ZNF605: variants seen among roughly 807,000 people sequenced by gnomAD.
ZNF605 encodes zinc finger protein 605.
A neutral mutation model predicts 7.9 loss-of-function variants in ZNF605; 9 were observed. The ratio of observed to expected loss-of-function variants is 1.14; its 90% CI spans 0.68 to 1.98. The LOEUF is 1.98. Among genes scored for constraint, ZNF605 ranks in the 30% most tolerant of loss-of-function variants. The pLI, the probability that ZNF605 is intolerant of heterozygous loss-of-function variation, is 0.00. For missense variants in ZNF605, 673 were observed against 762.4 expected, an observed-to-expected ratio of 0.88 and a Z score of 1.38; for synonymous variants, 255 against 260.1, an observed-to-expected ratio of 0.98 and a Z score of 0.19.
At chr12:132,932,642 A>C in intron 4 of ZNF605, 6 of 985,560 alleles carry the variant, frequency 6.1e-6, no homozygotes. Flanking sequence ...AACACTTTAA[A>C]AGTGCCCACC....
chr12:132,926,856 C>T lies in ZNF605; in HGVS notation c.443G>A (p.Cys148Tyr), dbSNP rs895221614. 30 of 1,614,078 alleles carry T rather than the reference C, an allele frequency of 1.9e-5. No individual in the cohort carries two copies. Among genetic ancestry groups the T allele is most frequent in the Non-Finnish European group, 2.5e-5 (30 of 1,180,052 alleles). ...GGIKYCDCST[C>Y]RKSSNEEPWL... is the part of the protein sequence containing the mutation. ...TGGCTCTTCGTTGCTGGATTTTCTA[C>T]ATGTACTGCAATCACAGTATTTTAT... Residue 148 changes from cysteine to tyrosine, a missense_variant, in exon 5 of 5, where the codon TGT (cysteine) becomes TAT (tyrosine). Cys to Tyr is a radical substitution (Grantham distance 194). Transcript: ENST00000360187.
intron 4 of ZNF605, chr12:132,932,827 G>A: frequency 6.6e-7 from 1 of 1,515,228 alleles, no homozygotes; most frequent in Non-Finnish European, 8.9e-7. Context: ...AAACACAGAG[G>A]ACTTGGACCT....
intron 1 of ZNF605, among the ~76,000 whole-genome samples, chr12:132,948,947 G>A (rs920922362): frequency 2.6e-5 from 4 of 152,096 alleles, no homozygotes; most frequent in Non-Finnish European, 2.9e-5. Flanking sequence ...AGACATCAGC[G>A]TAGCTCACGC....
intron 3 of ZNF605, among the ~76,000 whole-genome samples, chr12:132,936,827 AAAGCCTGATC>A (rs1309138051): frequency 2.0e-5 from 3 of 152,204 alleles, no homozygotes; most frequent in African/African-American, 7.2e-5. Context: ...TACAACACCA[AAAGCCTGATC>A]AATTTAAGAA....
intron 1 of ZNF605, 38 bp from the exon 2 acceptor site, chr12:132,948,308 T>C (rs1952515589): frequency 6.6e-6 from 1 of 152,216 alleles, no homozygotes; most frequent in Non-Finnish European, 1.5e-5. Context: ...CCTGTAAACT[T>C]GGGAGACAAG....
intron 3 of ZNF605, among the ~76,000 whole-genome samples, chr12:132,934,209 G>A (rs1035138859): frequency 4.6e-5 from 7 of 152,058 alleles, no homozygotes; most frequent in Admixed American, 4.6e-4. Flanking sequence ...AACCTGGGAG[G>A]TGGAGGTTGC....
chr12:132,928,625 T>C (rs1952271859), intron 4 of ZNF605, among the ~76,000 whole-genome samples: 1 of 152,240 alleles, frequency 6.6e-6, no homozygotes, highest in African/African-American at 2.4e-5. Flanking sequence ...GTTTATTTAC[T>C]TGACTTTTTG....
chr12:132,955,438 G>A (rs1952626367), intron 1 of ZNF605, among the ~76,000 whole-genome samples: 1 of 152,180 alleles, frequency 6.6e-6, no homozygotes. Context: ...TGCTCCGACC[G>A]CTCGGTGGAG....
Position 132,926,769 on chromosome 12 carries a change from A to T in ZNF605, c.530T>A (p.Phe177Tyr). ...GVYLCMECGRFFNKKSQLVIH... is the reference protein window; with the variant it reads ...GVYLCMECGRYFNKKSQLVIH... ...AACAAGTTGTGACTTCTTGTTAAAA[A>T]ATCTGCCACATTCCATGCATAAATA... is the stretch of plus-strand genomic sequence containing the variant. Residue 177 changes from phenylalanine (F) to tyrosine (Y), a missense_variant, in exon 5 of 5, where the codon TTT (phenylalanine) becomes TAT (tyrosine). Phe to Tyr is a conservative substitution (Grantham distance 22). Coordinates refer to ENST00000360187, the MANE Select transcript of ZNF605 (RefSeq NM_183238.4). 1 of 1,613,938 alleles carries T rather than the reference A, an allele frequency of 6.2e-7. No individual in the cohort carries two copies.
At position 132,940,846 on chromosome 12, in the gene ZNF605, G is replaced by A. The variant is rs1447606769; in HGVS notation, c.15+4775C>T. On this transcript the variant is annotated intron_variant, in intron 3 of 4. Transcript: ENST00000360187. ...GGTTTGGGGTACGACTGATCCTGTCGCCCAGGTGGTGAGCACAGAACCCAA... is the reference window on the plus strand; with the variant it reads ...GGTTTGGGGTACGACTGATCCTGTCACCCAGGTGGTGAGCACAGAACCCAA... Among the ~76,000 whole-genome samples, 15 of 152,148 alleles carry A rather than the reference G, an allele frequency of 9.9e-5. 1 individual carries two copies. In the South Asian group the frequency reaches 1.7e-3, roughly 17 times the overall value.
rs2625079 is a variant in ZNF605, at chr12:132,924,626, A to G, written c.*747T>C. ...CCTGAACTGCAACCTAGGAACTGCC[A>G]TGCGGGGGCAGGCTGAGAAACCATG... On this transcript the variant is annotated 3_prime_UTR_variant, in exon 5 of 5. Transcript: ENST00000360187. 0.74 allele frequency: 112,458 copies of G among 152,190 alleles called. 42,226 individuals carry two copies. Among genetic ancestry groups the G allele is most frequent in the East Asian group, 0.9 (4,692 of 5,186 alleles). The allele number at this position is 152,190 out of a possible 1,614,324, so 9.4% of individuals were successfully genotyped here.
Position 132,925,883 on chromosome 12 carries a change from T to C in ZNF605, c.1416A>G (p.Thr472=). Residue 472 remains threonine (T), a synonymous_variant, in exon 5 of 5, where the codon ACA becomes ACG. Coordinates refer to ENST00000360187, the MANE Select transcript of ZNF605 (RefSeq NM_183238.4). ...CACTGCATTCATAGGGTTTCTCACC[T>C]GTATGTGTTCTCTGATGTGATATCA... is the stretch of plus-strand genomic sequence containing the variant. ...SSLISHQRTH[T]GEKPYECSEC... 6.2e-7 allele frequency: 1 copy of C among 1,614,162 alleles called. No homozygotes were observed.
intron 4 of ZNF605, among the ~76,000 whole-genome samples, chr12:132,927,720 G>C (rs1359894693): frequency 6.7e-6 from 1 of 150,112 alleles, no homozygotes; most frequent in East Asian, 2.0e-4. Flanking sequence ...GCAGTGGTGC[G>C]ATCTCAGCTC....
intron 1 of ZNF605, among the ~76,000 whole-genome samples, chr12:132,949,710 A>G (rs1387786619): frequency 1.3e-5 from 2 of 152,188 alleles, no homozygotes; most frequent in African/African-American, 2.4e-5. Context: ...CCCAGTGTCA[A>G]CAGGGACAGT....
intron 4 of ZNF605, among the ~76,000 whole-genome samples, chr12:132,929,566 G>A (rs1220919394): frequency 1.3e-5 from 2 of 152,166 alleles, no homozygotes; most frequent in Non-Finnish European, 2.9e-5. Flanking sequence ...TCCACTTGAA[G>A]AGTTTACAGA....
At chr12:132,938,436 G>T (rs1483958164) in intron 3 of ZNF605, among the ~76,000 whole-genome samples, 4 of 152,004 alleles carry the variant, frequency 2.6e-5, no homozygotes, top group Non-Finnish European at 5.9e-5. Flanking sequence ...GAGTAGCTGG[G>T]ATTACAGGCA....
intron 4 of ZNF605, among the ~76,000 whole-genome samples, chr12:132,929,645 A>C (rs1447622238): frequency 6.6e-6 from 1 of 152,162 alleles, no homozygotes; most frequent in African/African-American, 2.4e-5. Flanking sequence ...TCAAGATGAG[A>C]TTAAAAATAT....
rs1216508183 is a variant in ZNF605 at position 132,924,342 on chromosome 12, C to G, written c.*1031G>C. On this transcript the variant is annotated 3_prime_UTR_variant, in exon 5 of 5. Coordinates refer to ENST00000360187, the MANE Select transcript of ZNF605 (RefSeq NM_183238.4). ...TTCCACTCTGTTTCCACTCTGGCTGCTGAGAACATAAACTATTCCCAGCCC... is the reference window on the plus strand; with the variant it reads ...TTCCACTCTGTTTCCACTCTGGCTGGTGAGAACATAAACTATTCCCAGCCC... 1.3e-5 allele frequency: 2 copies of G among 152,228 alleles called. No homozygotes were observed. The highest frequency in any genetic ancestry group is 4.8e-5 in the African/African-American group (2 of 41,444). The allele number at this position is 152,228 out of a possible 1,614,324, so 9.4% of individuals were successfully genotyped here. A position where few individuals can be genotyped will look rare whatever the true frequency, so the allele number is the denominator to read the frequency against.
chr12:132,925,408 G>A lies in ZNF605; in HGVS notation c.1891C>T (p.Gln631Ter). 2 of 1,605,438 alleles carry A rather than the reference G, an allele frequency of 1.2e-6. No homozygotes were observed. The highest frequency in any genetic ancestry group is 1.7e-6 in the Non-Finnish European group (2 of 1,175,254). The change falls in exon 5 of 5, where the codon CAG becomes TAG. Residue 631 changes from glutamine (Q) to a stop codon, truncating the protein, a stop_gained. Coordinates refer to ENST00000360187, the MANE Select transcript of ZNF605 (RefSeq NM_183238.4). LOFTEE classifies it low-confidence loss of function (END_TRUNC). ...ECGTTFNRKSQLMIHQRNHII is the reference protein window; with the variant it reads ...ECGTTFNRKS ...TGATTTCTCTGATGTATCATAAGCT[G>A]CGACTTCCTGTTGAAGGTGGTCCCA...
Sources: gnomAD v4.1 joint callset for allele counts (sites outside exome capture counted in the v4.1 genomes callset) on GRCh38, gnomAD v4.1.1 for gene constraint, MANE v1.5 for transcripts, NCBI Gene and HGNC (gene_info 2026-07-23, HGNC 2026-07-21) for gene names.